Variants in HELZ observed in about 807,000 individuals in gnomAD.
HELZ encodes the protein helicase with zinc finger.
HELZ carries 23 observed loss-of-function variants against 218.2 expected under a neutral mutation model. The observed-to-expected ratio is 0.11, with a 90% CI of 0.08 to 0.15. HELZ has a LOEUF of 0.15. Among genes scored for constraint, HELZ ranks in the 10% least tolerant of loss-of-function variants. HELZ has a pLI of 1.00. For synonymous variants in HELZ, 814 were observed against 829.4 expected, an observed-to-expected ratio of 0.98 and a Z score of 0.32; for missense variants, 1,813 against 2,353.7, an observed-to-expected ratio of 0.77 and a Z score of 4.75.
intron 27 of HELZ, among the ~76,000 whole-genome samples, chr17:67,115,377 A>G (rs919913434): frequency 1.3e-5 from 2 of 152,108 alleles, no homozygotes; most frequent in African/African-American, 4.8e-5. Context: ...TAGGGGCAAC[A>G]CAGAAAAAAA....
chr17:67,234,059 AAG>A (rs1034509355), intron 3 of HELZ, among the ~76,000 whole-genome samples: 6 of 148,652 alleles, frequency 4.0e-5, no homozygotes, highest in African/African-American at 9.8e-5. Context: ...AAAAAAAAAA[AAG>A]AGAGAGAGAG....
At chr17:67,158,020 C>A (rs990157613) in intron 17 of HELZ, among the ~76,000 whole-genome samples, 20 of 152,312 alleles carry the variant, frequency 1.3e-4, no homozygotes, top group Admixed American at 6.5e-4. Flanking sequence ...TGAAACTAAA[C>A]ATGATCTAAA....
At chr17:67,162,603 A>C (rs1000117838) in intron 15 of HELZ, among the ~76,000 whole-genome samples, 1 of 152,142 alleles carries the variant, frequency 6.6e-6, no homozygotes, top group Admixed American at 6.5e-5. Flanking sequence ...TGTTGAGCCT[A>C]GCCAGCTCTA....
At position 67,150,227 on chromosome 17, in the gene HELZ, T is replaced by G. The variant is rs1457724161; in HGVS notation, c.2357-242A>C. ...ATCACAGCTCACTGTAGCCTCGGGC[T>G]CAGGTGATCCTCCAACCTCAGCCTC... On this transcript the variant is annotated intron_variant, in intron 18 of 32. Transcript: ENST00000358691. 1.4e-5 allele frequency: 4 copies of G among 277,470 alleles called. No homozygotes were observed. In the South Asian group the frequency reaches 1.6e-4, roughly 11 times the overall value. 17.2% of individuals were successfully genotyped at this position (277,470 alleles called of 1,614,324 possible). A position where few individuals can be genotyped will look rare whatever the true frequency, so the allele number is the denominator to read the frequency against.
chr17:67,089,716 G>GACAGAGAC (rs1555595504), intron 31 of HELZ, among the ~76,000 whole-genome samples: 2 of 140,544 alleles, frequency 1.4e-5, no homozygotes, highest in East Asian at 2.1e-4. Flanking sequence ...GAGACAGAGA[G>GACAGAGAC]AGAGACAGAG....
chr17:67,163,809 C>T (rs1032853772), intron 15 of HELZ, among the ~76,000 whole-genome samples: 2 of 152,182 alleles, frequency 1.3e-5, no homozygotes, highest in East Asian at 3.8e-4. Flanking sequence ...GCTGGGATTA[C>T]AGGTGTGAGC....
chr17:67,126,719 G>A (rs751897777), intron 24 of HELZ, among the ~76,000 whole-genome samples: 6 of 151,796 alleles, frequency 4.0e-5, no homozygotes, highest in Non-Finnish European at 8.8e-5. Context: ...AAAACTACTG[G>A]GCATGGTGGC....
At chr17:67,240,974 T>C (rs180891918) in intron 2 of HELZ, among the ~76,000 whole-genome samples, 177 of 152,330 alleles carry the variant, frequency 1.2e-3, no homozygotes, top group Non-Finnish European at 2.1e-3. Flanking sequence ...GAATATTCAC[T>C]TCTAACAGAT....
chr17:67,089,572 ATTT>A (rs2036496297), intron 31 of HELZ, among the ~76,000 whole-genome samples: 1 of 150,108 alleles, frequency 6.7e-6, no homozygotes, highest in African/African-American at 2.4e-5. Flanking sequence ...AATATGATTA[ATTT>A]TTTATGTCAG....
intron 18 of HELZ, 99 bp from the exon 19 acceptor site, chr17:67,150,084 T>C (rs2038628975): frequency 1.4e-6 from 1 of 697,826 alleles, no homozygotes; most frequent in Non-Finnish European, 2.5e-6. Context: ...AGAGTTTAGT[T>C]TGCTAATCTA....
chr17:67,074,650 T>C lies in HELZ; in HGVS notation c.*3602A>G, dbSNP rs998025339. On this transcript the variant is annotated 3_prime_UTR_variant, in exon 33 of 33. Coordinates refer to ENST00000358691, the MANE Select transcript of HELZ (RefSeq NM_014877.4). ...TACTATATATTAATTATCCCAAAGTTGGGAAATTCATTAGCTTTCTCAGCA... is the reference window on the plus strand; with the variant it reads ...TACTATATATTAATTATCCCAAAGTCGGGAAATTCATTAGCTTTCTCAGCA... 13 of 152,218 alleles carry C rather than the reference T, an allele frequency of 8.5e-5. No individual in the cohort carries two copies. The highest frequency in any genetic ancestry group is 2.6e-4 in the Admixed American group (4 of 15,296). 9.4% of individuals were successfully genotyped at this position (152,218 alleles called of 1,614,324 possible).
chr17:67,215,803 T>G (rs1252333639), intron 5 of HELZ, 96 bp downstream of exon 5: 4 of 843,612 alleles, frequency 4.7e-6, no homozygotes, highest in Non-Finnish European at 7.9e-6. Flanking sequence ...GGTGGGCTTT[T>G]CAAACATTAT....
intron 3 of HELZ, among the ~76,000 whole-genome samples, chr17:67,236,204 C>T (rs2041181703): frequency 6.6e-6 from 1 of 152,138 alleles, no homozygotes; most frequent in African/African-American, 2.4e-5. Context: ...TTAAATTCAA[C>T]ATTATATAAC....
chr17:67,188,441 T>C lies in HELZ; in HGVS notation c.1040A>G (p.Tyr347Cys). 1 of 1,614,030 alleles carries C rather than the reference T, an allele frequency of 6.2e-7. No individual in the cohort carries two copies. Among genetic ancestry groups the C allele is most frequent in the Non-Finnish European group, 8.5e-7 (1 of 1,179,874 alleles). ...MAQNGLDHYV[Y>C]KVGIAFNTEI... ...TGTGTTAAATGCTATCCCGACTTTA[T>C]ACACGTAATGATCTAATCCATTTTG... The change falls in exon 12 of 33, where the codon TAT becomes TGT. Residue 347 changes from tyrosine to cysteine, a missense_variant. By Grantham distance (194) the Tyr-to-Cys change is radical. Coordinates refer to ENST00000358691, the MANE Select transcript of HELZ (RefSeq NM_014877.4). The surrounding 1 kb of genome is among the most constrained non-coding windows in gnomAD (Gnocchi z 4.1).
intron 23 of HELZ, among the ~76,000 whole-genome samples, chr17:67,135,547 T>G (rs1338937523): frequency 2.6e-5 from 4 of 152,226 alleles, no homozygotes; most frequent in Non-Finnish European, 5.9e-5. Flanking sequence ...TCATTCCTAA[T>G]TCCTCTTAAT....
Position 67,167,981 on chromosome 17 carries a change from A to AT in HELZ, c.1431-186dup, listed in dbSNP as rs35055892. On this transcript the variant is annotated intron_variant, in intron 13 of 32. Transcript: ENST00000358691. ...TACAAGCTGGAAACAACAAAAAAAA[A>AT]TTTTTTTTTTTGTTTTTTTGAGACG... Among the ~76,000 whole-genome samples, 1,079 of 149,492 alleles carry AT rather than the reference A, an allele frequency of 7.2e-3. 19 individuals carry two copies. The highest frequency in any genetic ancestry group is 0.045 in the East Asian group (227 of 5,090).
At chr17:67,199,205 CA>C (rs2040105057) in intron 7 of HELZ, among the ~76,000 whole-genome samples, 1 of 144,098 alleles carries the variant, frequency 6.9e-6, no homozygotes, top group Non-Finnish European at 1.5e-5. Context: ...GCGATTTTGC[CA>C]TTACTTTTTT....
At chr17:67,234,043 CAAAAA>C (rs551566138) in intron 3 of HELZ, among the ~76,000 whole-genome samples, 1 of 98,670 alleles carries the variant, frequency 1.0e-5, no homozygotes, top group Non-Finnish European at 2.0e-5. Flanking sequence ...GACTCCATCT[CAAAAA>C]AAAAAAAAAA....
chr17:67,131,834 C>CT (rs1445983928), intron 23 of HELZ, among the ~76,000 whole-genome samples: 1 of 151,912 alleles, frequency 6.6e-6, no homozygotes, highest in Non-Finnish European at 1.5e-5. Context: ...AAAATTTTTC[C>CT]TTTTTTCTCT....
Sources: allele counts gnomAD v4.1 joint callset (sites outside exome capture counted in the v4.1 genomes callset), GRCh38; gene constraint gnomAD v4.1.1; non-coding constraint Gnocchi (gnomAD v3.1); transcripts MANE v1.5; gene names NCBI Gene and HGNC (gene_info 2026-07-23, HGNC 2026-07-21).